Variants in PRKG1 observed in about 807,000 individuals in gnomAD.
The protein encoded by PRKG1 is cGMP-dependent protein kinase 1.
Under a neutral mutation model 88.1 loss-of-function variants are expected in PRKG1, and 35 were observed. The ratio of observed to expected loss-of-function variants is 0.40; its 90% confidence interval spans 0.30 to 0.53. The LOEUF is 0.53. Ranked by LOEUF, PRKG1 falls within the 20% of genes least tolerant of loss-of-function variation. The pLI, the probability that PRKG1 is intolerant of heterozygous loss-of-function variation, is 0.59. For synonymous variants in PRKG1, 303 were observed against 292.5 expected (o/e 1.04, Z -0.37); for missense variants, 540 against 839.8 (o/e 0.64, Z 4.41).
In PRKG1 at chr10:50,991,687, C is replaced by T. The variant is rs1231474364; in HGVS notation, c.266+43C>T. ...GGGCCCGGGCGCTCGTCCCGGCCCG[C>T]GGCGCAGAGGCTGGGGGCTCTGGCC... On this transcript the variant is annotated intron_variant, in intron 1 of 17. Coordinates refer to the PRKG1 transcript ENST00000401604. This position sits in a 1 kb window ranked among gnomAD's most constrained non-coding sequence, Gnocchi z 4.5. 5 of 1,378,750 alleles carry T rather than the reference C, an allele frequency of 3.6e-6. No homozygotes were observed. The African/African-American group carries it at 4.7e-5, about 13-fold the overall frequency. 85.4% of individuals were successfully genotyped at this position (1,378,750 alleles called of 1,614,324 possible).
chr10:51,177,522 CTT>C (rs1476423078), intron 2 of PRKG1, among the ~76,000 whole-genome samples: 1 of 152,136 alleles, frequency 6.6e-6, no homozygotes, highest in Non-Finnish European at 1.5e-5. Flanking sequence ...ATCACATCCT[CTT>C]TTTCTGTTTC....
intron 1 of PRKG1, among the ~76,000 whole-genome samples, chr10:51,138,639 TGAG>T: frequency 6.7e-6 from 1 of 150,346 alleles, no homozygotes; most frequent in South Asian, 2.1e-4. Context: ...CTTTGATAAA[TGAG>T]GAGGAATCCA....
rs1842386651 is a variant in PRKG1, at chr10:52,296,508, A to G, written c.*2608A>G. 1 of 152,220 alleles carries G rather than the reference A, an allele frequency of 6.6e-6. No individual in the cohort carries two copies. The highest frequency in any genetic ancestry group is 2.1e-4 in the South Asian group (1 of 4,830). The allele number at this position is 152,220 out of a possible 1,614,324, so 9.4% of individuals were successfully genotyped here. A position where few individuals can be genotyped will look rare whatever the true frequency, so the allele number is the denominator to read the frequency against. On this transcript the variant is annotated 3_prime_UTR_variant, in exon 18 of 18. Transcript: ENST00000373980. ...TAAATCTTGTCTTAATGAAGACTCT[A>G]GGGCTAAAATTCATGGTCAGTTCCA...
intron 7 of PRKG1, 101 bp downstream of exon 7, chr10:52,062,732 TA>T (rs1204881209): frequency 2.8e-5 from 23 of 811,356 alleles, no homozygotes; most frequent in Middle Eastern, 2.2e-4. Context: ...ATTTAGTGCT[TA>T]TCTCAATATC....
intron 7 of PRKG1, among the ~76,000 whole-genome samples, chr10:52,067,921 G>GACTTGAAACCATATGGAATACATATAA (rs1589575435): frequency 2.7e-5 from 4 of 147,360 alleles, no homozygotes; most frequent in Admixed American, 6.8e-5. Flanking sequence ...ATCCCTACTT[G>GACTTGAAACCATATGGAATACATATAA]AGGCCGGGCG....
Position 52,294,809 on chromosome 10 carries a change from T to TA in PRKG1, c.*910dup. 6.6e-6 allele frequency: 1 copy of TA among 152,414 alleles called. No individual in the cohort carries two copies. Among genetic ancestry groups the TA allele is most frequent in the Non-Finnish European group, 1.5e-5 (1 of 67,944 alleles). The allele number at this position is 152,414 out of a possible 1,614,324, so 9.4% of individuals were successfully genotyped here. Reference sequence around the variant, plus strand: ...CTTTTATAAAAATAAATGCTTGGGGTAGGGTGGAGTGGGGAGGGATTAAAA... The same window carrying TA: ...CTTTTATAAAAATAAATGCTTGGGGTAAGGGTGGAGTGGGGAGGGATTAAAA... On this transcript the variant is annotated 3_prime_UTR_variant, in exon 18 of 18. Coordinates refer to ENST00000373980, the MANE Select transcript of PRKG1 (RefSeq NM_006258.4).
At chr10:51,553,927 T>TGTGC (rs1203422407) in intron 3 of PRKG1, among the ~76,000 whole-genome samples, 2 of 134,780 alleles carry the variant, frequency 1.5e-5, no homozygotes, top group African/African-American at 5.7e-5. Flanking sequence ...ATATAATATA[T>TGTGC]GTATGTATTA....
intron 2 of PRKG1, among the ~76,000 whole-genome samples, chr10:51,426,258 G>A (rs1409996095): frequency 1.3e-5 from 2 of 152,122 alleles, no homozygotes; most frequent in Non-Finnish European, 2.9e-5. Context: ...TCCAGCCTGG[G>A]CGACAGAGCA....
chr10:52,105,047 G>A (rs577463980), intron 7 of PRKG1, among the ~76,000 whole-genome samples: 1 of 152,266 alleles, frequency 6.6e-6, no homozygotes, highest in Non-Finnish European at 1.5e-5. Flanking sequence ...ACTAACAGAG[G>A]CCACGCAGAT....
chr10:51,401,259 G>A (rs1364053452), intron 2 of PRKG1, among the ~76,000 whole-genome samples: 1 of 152,042 alleles, frequency 6.6e-6, no homozygotes, highest in Non-Finnish European at 1.5e-5. Context: ...TACATTTATA[G>A]CACACATGGA....
At chr10:51,081,670 A>C (rs1376682785) in intron 1 of PRKG1, among the ~76,000 whole-genome samples, 1 of 152,216 alleles carries the variant, frequency 6.6e-6, no homozygotes, top group East Asian at 1.9e-4. Context: ...CATCATCATC[A>C]GATTGGGTAA....
chr10:51,580,288 C>A (rs1011206556), intron 3 of PRKG1, among the ~76,000 whole-genome samples: 1 of 152,028 alleles, frequency 6.6e-6, no homozygotes, highest in African/African-American at 2.4e-5. Context: ...TTGATCTTTA[C>A]TTATTGTTAA....
At chr10:52,052,812 AC>A (rs1361058280) in intron 5 of PRKG1, among the ~76,000 whole-genome samples, 1 of 152,088 alleles carries the variant, frequency 6.6e-6, no homozygotes, top group Non-Finnish European at 1.5e-5. Flanking sequence ...TATGAAAGCT[AC>A]AATTTAAGAT....
At chr10:51,105,466 T>C (rs1844809890) in intron 1 of PRKG1, among the ~76,000 whole-genome samples, 1 of 152,212 alleles carries the variant, frequency 6.6e-6, no homozygotes, top group Non-Finnish European at 1.5e-5. Flanking sequence ...CAAATTCTTT[T>C]TGTTTCAAAG....
At position 52,009,300 on chromosome 10, in the gene PRKG1, A is replaced by G. The variant is rs374673894; in HGVS notation, c.763-45184A>G. ...ATTGTTTCTGCCCCAAAGGTCCTTG[A>G]TCTGAGGAACAACTTCAGTAAACTT... On this transcript the variant is annotated intron_variant, in intron 5 of 17. Coordinates refer to ENST00000373980, the MANE Select transcript of PRKG1 (RefSeq NM_006258.4). Among the ~76,000 whole-genome samples the G allele has an allele frequency of 5.3e-5, 8 of 152,256 alleles. No individual in the cohort carries two copies. The South Asian group carries it at 8.3e-4, about 16-fold the overall frequency.
intron 5 of PRKG1, among the ~76,000 whole-genome samples, chr10:51,996,857 A>G (rs900140197): frequency 1.3e-5 from 2 of 152,206 alleles, no homozygotes; most frequent in Non-Finnish European, 2.9e-5. Flanking sequence ...GGCATAATTC[A>G]TAATAGCCAA....
At chr10:51,052,106 G>T (rs1353463915) in intron 1 of PRKG1, among the ~76,000 whole-genome samples, 1 of 152,032 alleles carries the variant, frequency 6.6e-6, no homozygotes, top group Non-Finnish European at 1.5e-5. Flanking sequence ...AAAAATAAAA[G>T]ACAATAAGCA....
chr10:51,091,264 A>G (rs985022033), intron 1 of PRKG1, among the ~76,000 whole-genome samples: 3 of 152,192 alleles, frequency 2.0e-5, no homozygotes, highest in African/African-American at 7.2e-5. Flanking sequence ...CCTATTATAC[A>G]TGTAAAATAC....
chr10:51,102,027 A>G (rs999645234), intron 1 of PRKG1, among the ~76,000 whole-genome samples: 2 of 152,186 alleles, frequency 1.3e-5, no homozygotes, highest in Admixed American at 1.3e-4. Context: ...GTATTTGCCA[A>G]TTTCTGTGGA....
Sources: gnomAD v4.1 joint callset for allele counts (sites outside exome capture counted in the v4.1 genomes callset) on GRCh38, gnomAD v4.1.1 for gene constraint, Gnocchi (gnomAD v3.1) non-coding constraint, MANE v1.5 for transcripts, NCBI Gene and HGNC (gene_info 2026-07-23, HGNC 2026-07-21) for gene names.